The following UQCC1 variants were observed in gnomAD, a reference collection of about 807,000 sequenced individuals.
UQCC1 encodes the protein bFGF-repressed Zic-binding protein.
A neutral mutation model predicts 48.0 loss-of-function variants in UQCC1; 38 were observed. The ratio of observed to expected loss-of-function variants is 0.79; its 90% confidence interval spans 0.61 to 1.04. The LOEUF (loss-of-function observed/expected upper bound fraction) is 1.04, where lower values mean the gene tolerates loss of function less well. Among genes scored for constraint, UQCC1 ranks in the 50% least tolerant of loss-of-function variants. UQCC1 has a pLI of 0.00. For synonymous variants in UQCC1, 111 were observed against 129.2 expected, an observed-to-expected ratio of 0.86 and a Z score of 0.95; for missense variants, 368 against 381.8, an observed-to-expected ratio of 0.96 and a Z score of 0.30.
chr20:35,406,467 A>G (rs531058968), intron 1 of UQCC1, among the ~76,000 whole-genome samples: 4 of 152,248 alleles, frequency 2.6e-5, no homozygotes, highest in Non-Finnish European at 4.4e-5. Flanking sequence ...ACAAGGAAAG[A>G]CAAAGATTTT....
chr20:35,407,963 G>A (rs1460213926), intron 1 of UQCC1, among the ~76,000 whole-genome samples: 4 of 152,030 alleles, frequency 2.6e-5, no homozygotes, highest in South Asian at 4.1e-4. Flanking sequence ...CAGAGGTTGC[G>A]GTGAGCCGAG....
intron 1 of UQCC1, 34 bp from the exon 2 acceptor site, chr20:35,394,230 T>G: frequency 6.5e-7 from 1 of 1,548,682 alleles, no homozygotes; most frequent in Non-Finnish European, 8.9e-7. Flanking sequence ...GTCAGGAATC[T>G]AAATCATACT....
chr20:35,379,703 G>C (rs2061843716), intron 4 of UQCC1, among the ~76,000 whole-genome samples: 1 of 152,146 alleles, frequency 6.6e-6, no homozygotes, highest in Non-Finnish European at 1.5e-5. Flanking sequence ...CTACTTAGGA[G>C]GCTGAGGCAG....
intron 7 of UQCC1, among the ~76,000 whole-genome samples, chr20:35,342,579 T>C (rs2146376102): frequency 6.6e-6 from 1 of 152,340 alleles, no homozygotes; most frequent in Admixed American, 6.5e-5. Context: ...CCAAAGGCGC[T>C]GTCTGTTTTT....
chr20:35,406,337 G>T (rs2062250636), intron 1 of UQCC1, among the ~76,000 whole-genome samples: 1 of 152,206 alleles, frequency 6.6e-6, no homozygotes, highest in Non-Finnish European at 1.5e-5. Flanking sequence ...AAGAGACAAA[G>T]ATTCTTTAAA....
chr20:35,369,958 G>A (rs1444154885), intron 5 of UQCC1, among the ~76,000 whole-genome samples: 1 of 152,114 alleles, frequency 6.6e-6, no homozygotes, highest in Non-Finnish European at 1.5e-5. Context: ...ACAACACTGT[G>A]GAATTCAACA....
intron 2 of UQCC1, among the ~76,000 whole-genome samples, chr20:35,391,562 T>G (rs1310095523): frequency 6.6e-6 from 1 of 151,870 alleles, no homozygotes; most frequent in East Asian, 1.9e-4. Flanking sequence ...AGGTGGAGGT[T>G]GCAGTGAGCA....
intron 4 of UQCC1, among the ~76,000 whole-genome samples, chr20:35,378,962 A>G (rs928309561): frequency 6.6e-6 from 1 of 152,128 alleles, no homozygotes; most frequent in Non-Finnish European, 1.5e-5. Flanking sequence ...TATTTCCTTC[A>G]ACCGTTCTTA....
At chr20:35,361,193 T>C (rs1213079750) in intron 6 of UQCC1, among the ~76,000 whole-genome samples, 1 of 142,636 alleles carries the variant, frequency 7.0e-6, no homozygotes, top group Non-Finnish European at 1.5e-5. Context: ...TGGCTGAGCA[T>C]AAGATTTCAT....
At chr20:35,383,989 A>G in intron 3 of UQCC1, 49 bp downstream of exon 3, 2 of 1,526,610 alleles carry the variant, frequency 1.3e-6, no homozygotes, top group Middle Eastern at 1.7e-4. Flanking sequence ...TCCAAAGAAC[A>G]CCTGTGTGAA....
intron 2 of UQCC1, chr20:35,386,292 G>C: frequency 4.4e-6 from 2 of 453,184 alleles, no homozygotes; most frequent in South Asian, 3.1e-5. Flanking sequence ...CAATAAAAAA[G>C]GGTGAGAGGG....
chr20:35,307,343 G>A (rs1387565340), intron 8 of UQCC1, among the ~76,000 whole-genome samples: 1 of 152,192 alleles, frequency 6.6e-6, no homozygotes, highest in African/African-American at 2.4e-5. Context: ...CCTAAGTAGG[G>A]GAACAGGATG....
intron 2 of UQCC1, chr20:35,386,438 T>G (rs1451918835): frequency 4.6e-6 from 2 of 437,336 alleles, no homozygotes; most frequent in Non-Finnish European, 4.5e-6. Flanking sequence ...TACTATTTAC[T>G]TTTCTTTCCA....
At chr20:35,374,095 G>A in intron 5 of UQCC1, 89 bp downstream of exon 5, 1 of 977,852 alleles carries the variant, frequency 1.0e-6, no homozygotes, top group Non-Finnish European at 1.6e-6. Flanking sequence ...TTTCACTAGG[G>A]ACTAAAAAAA....
chr20:35,340,119 T>C (rs555618389), intron 7 of UQCC1, among the ~76,000 whole-genome samples: 1 of 152,252 alleles, frequency 6.6e-6, no homozygotes, highest in South Asian at 2.1e-4. Context: ...AGTGCTGCAG[T>C]AACGCAGAGT....
intron 7 of UQCC1, among the ~76,000 whole-genome samples, chr20:35,320,047 G>C (rs1162708917): frequency 6.6e-6 from 1 of 152,160 alleles, no homozygotes. Context: ...AGTCAGTAAA[G>C]TATGTGCACA....
intron 6 of UQCC1, among the ~76,000 whole-genome samples, chr20:35,366,089 A>T (rs745878491): frequency 6.6e-6 from 1 of 152,246 alleles, no homozygotes. Flanking sequence ...ATATTTTTAC[A>T]TGCAACAAAC....
chr20:35,323,675 T>C (rs1365159029), intron 7 of UQCC1, among the ~76,000 whole-genome samples: 1 of 152,204 alleles, frequency 6.6e-6, no homozygotes, highest in Non-Finnish European at 1.5e-5. Context: ...CAAGATTCTA[T>C]GGCCAAGAGA....
chr20:35,378,353 C>T (rs560912651), intron 4 of UQCC1, among the ~76,000 whole-genome samples: 1 of 152,094 alleles, frequency 6.6e-6, no homozygotes, highest in Non-Finnish European at 1.5e-5. Context: ...GTGGCTCATG[C>T]CTGTAATCCC....
Sources: gnomAD v4.1 joint callset for allele counts (sites outside exome capture counted in the v4.1 genomes callset) on GRCh38, gnomAD v4.1.1 for gene constraint, MANE v1.5 for transcripts, NCBI Gene and HGNC (gene_info 2026-07-23, HGNC 2026-07-21) for gene names.